Variants in RASGRF2 observed in about 807,000 individuals in gnomAD.
RASGRF2 encodes the protein ras-specific guanine nucleotide-releasing factor 2.
RASGRF2 carries 76 observed loss-of-function variants against 151.0 expected under a neutral mutation model. The observed-to-expected ratio is 0.50, with a 90% CI of 0.42 to 0.61. The LOEUF is 0.61. Ranked by LOEUF, RASGRF2 falls within the 20% of genes least tolerant of loss-of-function variation. The probability of loss-of-function intolerance (pLI) is 0.00; values close to 1 mark genes in which losing one functional copy is unlikely to be tolerated. For missense variants in RASGRF2, 1,148 were observed against 1,564.6 expected (o/e 0.73, Z 4.49); for synonymous variants, 504 against 566.5 (o/e 0.89, Z 1.57).
chr5:81,154,782 T>C (rs1462054652), intron 17 of RASGRF2, among the ~76,000 whole-genome samples: 2 of 152,238 alleles, frequency 1.3e-5, no homozygotes, highest in Admixed American at 1.3e-4. Flanking sequence ...TTCATTTCCT[T>C]TGTGTATATA....
intron 17 of RASGRF2, among the ~76,000 whole-genome samples, chr5:81,166,022 G>T (rs769321112): frequency 6.6e-6 from 1 of 152,072 alleles, no homozygotes; most frequent in African/African-American, 2.4e-5. Flanking sequence ...GACAAGATGG[G>T]ATTGTAGTCT....
rs1339344924 is a variant in RASGRF2, at chr5:81,194,136, G to C, written c.2794-7194G>C. ...AGGCAGGTGGATTGCTTGAACCCAGGAGTTGGAGACCAGCCTGGGCAGCAT... is the reference window on the plus strand; with the variant it reads ...AGGCAGGTGGATTGCTTGAACCCAGCAGTTGGAGACCAGCCTGGGCAGCAT... On this transcript the variant is annotated intron_variant, in intron 18 of 26. Transcript: ENST00000265080. Among the ~76,000 whole-genome samples the C allele has an allele frequency of 2.0e-5, 3 of 150,748 alleles. No homozygotes were observed. The East Asian group carries it at 5.9e-4, about 29-fold the overall frequency.
chr5:81,144,860 C>T (rs1753967168), intron 17 of RASGRF2, among the ~76,000 whole-genome samples: 1 of 152,150 alleles, frequency 6.6e-6, no homozygotes, highest in Non-Finnish European at 1.5e-5. Context: ...ATCCTGTCAT[C>T]TGGCTCTTCT....
At chr5:81,193,508 T>C (rs558959755) in intron 18 of RASGRF2, among the ~76,000 whole-genome samples, 2 of 152,270 alleles carry the variant, frequency 1.3e-5, no homozygotes, top group Non-Finnish European at 2.9e-5. Context: ...AGCTGCTTTT[T>C]TCTTTTTTTC....
intron 2 of RASGRF2, among the ~76,000 whole-genome samples, chr5:81,043,199 T>C (rs1006696365): frequency 1.3e-5 from 2 of 152,190 alleles, no homozygotes; most frequent in African/African-American, 4.8e-5. Flanking sequence ...TAATAAGTAG[T>C]AGTAGTAGTC....
intron 12 of RASGRF2, among the ~76,000 whole-genome samples, chr5:81,103,897 G>A (rs1262143013): frequency 6.6e-6 from 1 of 151,988 alleles, no homozygotes; most frequent in African/African-American, 2.4e-5. Context: ...TAATATGAAT[G>A]AACGAACTAT....
At chr5:81,022,644 G>A (rs1469816829) in intron 1 of RASGRF2, among the ~76,000 whole-genome samples, 2 of 152,076 alleles carry the variant, frequency 1.3e-5, no homozygotes, top group African/African-American at 4.8e-5. Flanking sequence ...TTTTCTCCAC[G>A]TACCTCGGAC....
chr5:81,014,122 G>A (rs937500780), intron 1 of RASGRF2, among the ~76,000 whole-genome samples: 3 of 152,018 alleles, frequency 2.0e-5, no homozygotes, highest in Non-Finnish European at 4.4e-5. Context: ...TGTTCATGGT[G>A]TATTTTATCC....
At chr5:81,132,684 T>A (rs1269261554) in intron 17 of RASGRF2, among the ~76,000 whole-genome samples, 4 of 152,196 alleles carry the variant, frequency 2.6e-5, no homozygotes, top group Admixed American at 1.3e-4. Context: ...CTAACTAAAC[T>A]GTTAAAGCTT....
At chr5:81,099,547 A>T (rs1388032758) in intron 12 of RASGRF2, among the ~76,000 whole-genome samples, 1 of 152,182 alleles carries the variant, frequency 6.6e-6, no homozygotes, top group Non-Finnish European at 1.5e-5. Context: ...CATGATTCCT[A>T]GTGTGACAGA....
chr5:81,112,474 G>C (rs1360025769), intron 13 of RASGRF2, 136 bp from the exon 14 acceptor site: 3 of 1,168,054 alleles, frequency 2.6e-6, no homozygotes, highest in Non-Finnish European at 3.7e-6. Context: ...AGGGACAACT[G>C]TGCAATTATC....
rs113519981 is a variant in RASGRF2 at position 80,978,556 on chromosome 5, G to T, written c.288+17530G>T. 8.7e-3 allele frequency among the ~76,000 whole-genome samples: 1,329 copies of T among 152,310 alleles called. 33 individuals are homozygous for T. The highest frequency in any genetic ancestry group is 0.03 in the African/African-American group (1,256 of 41,568). ...AATTCCTGCACTTTGGGAGGCTGAG[G>T]TGGGCAGATCACCTGAGGTCAGGTG... is the stretch of plus-strand genomic sequence containing the variant. On this transcript the variant is annotated intron_variant, in intron 1 of 26. Transcript: ENST00000265080.
Position 81,127,180 on chromosome 5 carries a change from C to A in RASGRF2, c.2686+17C>A, listed in dbSNP as rs768831851. On this transcript the variant is annotated intron_variant, in intron 17 of 26. Coordinates refer to ENST00000265080, the MANE Select transcript of RASGRF2 (RefSeq NM_006909.3). ...GTCCACCAGGTGAGTAGGGGAGCAGCTATGTACAGATATGTGACCATTTAT... is the reference window on the plus strand; with the variant it reads ...GTCCACCAGGTGAGTAGGGGAGCAGATATGTACAGATATGTGACCATTTAT... 1.2e-6 allele frequency: 2 copies of A among 1,605,526 alleles called. No homozygotes were observed. Among genetic ancestry groups the A allele is most frequent in the Non-Finnish European group, 1.7e-6 (2 of 1,172,556 alleles).
At chr5:81,137,061 C>T (rs1262646824) in intron 17 of RASGRF2, among the ~76,000 whole-genome samples, 2 of 152,114 alleles carry the variant, frequency 1.3e-5, no homozygotes, top group African/African-American at 4.8e-5. Context: ...TATTTACCTA[C>T]TTACAATGGC....
intron 2 of RASGRF2, among the ~76,000 whole-genome samples, chr5:81,066,182 A>G (rs1201025649): frequency 6.6e-6 from 1 of 152,040 alleles, no homozygotes; most frequent in East Asian, 1.9e-4. Flanking sequence ...CTCCCACAGC[A>G]TATTCCTATC....
chr5:81,022,783 C>T (rs1749876249), intron 1 of RASGRF2, among the ~76,000 whole-genome samples: 1 of 152,082 alleles, frequency 6.6e-6, no homozygotes, highest in African/African-American at 2.4e-5. Flanking sequence ...AGCTGGGATA[C>T]AAGGAGAGAA....
chr5:81,024,794 T>A (rs552864157), intron 1 of RASGRF2, among the ~76,000 whole-genome samples: 1 of 152,292 alleles, frequency 6.6e-6, no homozygotes, highest in South Asian at 2.1e-4. Context: ...CAATAAAAAG[T>A]TCTCTGGTCA....
intron 1 of RASGRF2, among the ~76,000 whole-genome samples, chr5:81,025,463 T>C (rs1408986416): frequency 6.6e-6 from 1 of 152,094 alleles, no homozygotes; most frequent in African/African-American, 2.4e-5. Context: ...GGGGCACAGG[T>C]GGTGGAAGTG....
chr5:81,159,965 G>T (rs1388280700), intron 17 of RASGRF2, among the ~76,000 whole-genome samples: 3 of 152,154 alleles, frequency 2.0e-5, no homozygotes, highest in African/African-American at 4.8e-5. Flanking sequence ...CTCTCCCAGG[G>T]ATCTTATTAT....
Sources: gnomAD v4.1 joint callset for allele counts (sites outside exome capture counted in the v4.1 genomes callset) on GRCh38, gnomAD v4.1.1 for gene constraint, MANE v1.5 for transcripts, NCBI Gene and HGNC (gene_info 2026-07-23, HGNC 2026-07-21) for gene names.